Variants in SNX29 observed in about 807,000 individuals in gnomAD.
SNX29 encodes sorting nexin-29.
Under a neutral mutation model 102.1 loss-of-function variants are expected in SNX29, and 78 were observed. The ratio of observed to expected loss-of-function variants is 0.76; its 90% CI spans 0.64 to 0.92. The LOEUF (loss-of-function observed/expected upper bound fraction) is 0.92. Among genes scored for constraint, SNX29 ranks in the 40% least tolerant of loss-of-function variants. The pLI, the probability that SNX29 is intolerant of heterozygous loss-of-function variation, is 0.00. For synonymous variants in SNX29, 580 were observed against 414.5 expected (o/e 1.40, Z -4.85); for missense variants, 1,280 against 1,061.7 (o/e 1.21, Z -2.86).
chr16:12,131,829 C>T (rs1016252466), intron 13 of SNX29, among the ~76,000 whole-genome samples: 7 of 152,144 alleles, frequency 4.6e-5, no homozygotes, highest in African/African-American at 1.2e-4. Flanking sequence ...TGAATGTTGG[C>T]GCTATGATCC....
intron 19 of SNX29, chr16:12,515,737 A>T: frequency 2.4e-6 from 1 of 409,902 alleles, no homozygotes; most frequent in Non-Finnish European, 4.9e-6. Flanking sequence ...GGCAGGGGTC[A>T]CATCTGTTTG....
At chr16:12,150,899 C>G (rs1393641354) in intron 13 of SNX29, among the ~76,000 whole-genome samples, 2 of 152,158 alleles carry the variant, frequency 1.3e-5, no homozygotes, top group African/African-American at 2.4e-5. Flanking sequence ...GGGTATGAGG[C>G]CGGATAGGAC....
intron 14 of SNX29, among the ~76,000 whole-genome samples, chr16:12,208,210 G>T (rs572197081): frequency 1.3e-5 from 2 of 152,210 alleles, no homozygotes; most frequent in East Asian, 3.9e-4. Flanking sequence ...ACCTGGGTGC[G>T]GAGGGTCTCG....
chr16:12,211,675 C>T (rs1350653337), intron 14 of SNX29, among the ~76,000 whole-genome samples: 2 of 152,160 alleles, frequency 1.3e-5, no homozygotes, highest in South Asian at 2.1e-4. Context: ...GGCCTCTAGG[C>T]TGGAGTCCAG....
chr16:12,558,423 A>C (rs192234838), intron 20 of SNX29, among the ~76,000 whole-genome samples: 1 of 152,242 alleles, frequency 6.6e-6, no homozygotes, highest in Non-Finnish European at 1.5e-5. Context: ...GTGAAAGCTG[A>C]CATCTAGAAA....
chr16:12,245,947 C>T (rs990137094), intron 14 of SNX29, among the ~76,000 whole-genome samples: 2 of 152,228 alleles, frequency 1.3e-5, no homozygotes, highest in African/African-American at 2.4e-5. Flanking sequence ...CCAGAATCAT[C>T]TTCTGTGAAA....
At position 12,568,468 on chromosome 16, in the gene SNX29, T is replaced by TC. The variant is rs2079107113; in HGVS notation, c.2319-34dup. ...CTGGCCTGTGGTCATTTGCTTTTCA[T>TC]CCCCAGACTTAACCCGATTCTCTCC... On this transcript the variant is annotated intron_variant, in intron 20 of 20. Transcript: ENST00000566228. 8 of 1,604,972 alleles carry TC rather than the reference T, an allele frequency of 5.0e-6. No individual in the cohort carries two copies. In the South Asian group the frequency reaches 5.5e-5, roughly 11 times the overall value.
chr16:12,453,551 T>TC (rs2086401150), intron 18 of SNX29, among the ~76,000 whole-genome samples: 1 of 151,988 alleles, frequency 6.6e-6, no homozygotes, highest in African/African-American at 2.4e-5. Context: ...CTCAGTAATT[T>TC]TTTTTTTTTT....
At chr16:12,000,823 T>C (rs766985608) in intron 2 of SNX29, among the ~76,000 whole-genome samples, 3 of 152,212 alleles carry the variant, frequency 2.0e-5, no homozygotes, top group Non-Finnish European at 2.9e-5. Context: ...ATTACTTCTT[T>C]AGCTCTGTGT....
chr16:12,066,014 C>G (rs2051019298), intron 9 of SNX29, among the ~76,000 whole-genome samples: 1 of 152,198 alleles, frequency 6.6e-6, no homozygotes, highest in South Asian at 2.1e-4. Context: ...AGGCCCACAA[C>G]AAGTACAAGC....
At chr16:11,983,517 AT>A (rs2055475683) in intron 1 of SNX29, 1 of 273,170 alleles carries the variant, frequency 3.7e-6, no homozygotes, top group Non-Finnish European at 5.6e-6. Flanking sequence ...TGTGGTTTTC[AT>A]TCAAAGTAGA....
intron 13 of SNX29, among the ~76,000 whole-genome samples, chr16:12,130,885 G>A (rs1004243174): frequency 6.6e-6 from 1 of 151,888 alleles, no homozygotes; most frequent in Admixed American, 6.6e-5. Flanking sequence ...ATCAGAATTC[G>A]TTTAACCAGC....
chr16:12,057,975 TC>T (rs2050589424), intron 8 of SNX29, among the ~76,000 whole-genome samples: 2 of 151,826 alleles, frequency 1.3e-5, no homozygotes, highest in Admixed American at 1.3e-4. Context: ...CCACCACCAC[TC>T]CCGGTTAATT....
intron 15 of SNX29, among the ~76,000 whole-genome samples, chr16:12,306,167 A>G (rs578179304): frequency 6.6e-6 from 1 of 152,208 alleles, no homozygotes; most frequent in East Asian, 1.9e-4. Flanking sequence ...AGACTATTTT[A>G]TTTTAGCAAT....
chr16:12,560,135 T>TCCCCCCCCCC (rs57116555), intron 20 of SNX29, among the ~76,000 whole-genome samples: 16 of 135,344 alleles, frequency 1.2e-4, no homozygotes, highest in South Asian at 2.4e-4. Context: ...TGTGTTCCCC[T>TCCCCCCCCCC]CCCCCCCCCA....
chr16:12,245,449 G>A (rs890126476), intron 14 of SNX29, among the ~76,000 whole-genome samples: 1 of 151,028 alleles, frequency 6.6e-6, no homozygotes, highest in Non-Finnish European at 1.5e-5. Flanking sequence ...CATGTCATCT[G>A]CTTGGGTTTT....
intron 20 of SNX29, among the ~76,000 whole-genome samples, chr16:12,542,593 A>G (rs369462158): frequency 6.8e-4 from 104 of 152,276 alleles, no homozygotes; most frequent in African/African-American, 2.3e-3. Context: ...CAGCCTCCCA[A>G]AGTGCTGGGA....
intron 18 of SNX29, among the ~76,000 whole-genome samples, chr16:12,438,771 G>A (rs1360175197): frequency 2.0e-5 from 3 of 152,218 alleles, no homozygotes; most frequent in African/African-American, 7.2e-5. Flanking sequence ...TTTGAACTGA[G>A]ATCTGATGAC....
intron 20 of SNX29, among the ~76,000 whole-genome samples, chr16:12,555,532 C>T (rs62028166): frequency 0.4 from 60,284 of 150,900 alleles, 15,741 homozygotes; most frequent in Middle Eastern, 0.6. Flanking sequence ...CCCCTGCTCT[C>T]TGGGAGGTCA....
Sources: allele counts gnomAD v4.1 joint callset (sites outside exome capture counted in the v4.1 genomes callset), GRCh38; gene constraint gnomAD v4.1.1; transcripts MANE v1.5; gene names NCBI Gene and HGNC (gene_info 2026-07-23, HGNC 2026-07-21).